The following RAC1 variants were observed in gnomAD, a reference collection of about 807,000 sequenced individuals.
The protein encoded by RAC1 is ras-related C3 botulinum toxin substrate 1.
In RAC1, 2 loss-of-function variants were observed where a neutral mutation model predicts 25.2. The observed-to-expected ratio is 0.08, with a 90% CI of 0.03 to 0.25. The LOEUF (loss-of-function observed/expected upper bound fraction) is 0.25. Ranked by LOEUF, RAC1 falls within the 10% of genes least tolerant of loss-of-function variation. The pLI is 1.00. For missense variants in RAC1, 50 were observed against 235.7 expected (o/e 0.21, Z 5.16); for synonymous variants, 88 against 94.0 (o/e 0.94, Z 0.37).
intron 4 of RAC1, 60 bp from the exon 5 acceptor site, chr7:6,401,808 T>G (rs1469403535): frequency 1.3e-6 from 2 of 1,543,050 alleles, no homozygotes; most frequent in East Asian, 4.6e-5. Flanking sequence ...TGGGTGTGAT[T>G]TAGGTGAAGG....
chr7:6,381,031 G>A (rs958925485), intron 1 of RAC1, among the ~76,000 whole-genome samples: 1 of 151,996 alleles, frequency 6.6e-6, no homozygotes, highest in Non-Finnish European at 1.5e-5. Context: ...ACCATGCCTG[G>A]CTAATTTTTG....
In RAC1 at chr7:6,389,717, A is replaced by G. The variant is rs555249980; in HGVS notation, c.108-2207A>G. 9.9e-5 allele frequency among the ~76,000 whole-genome samples: 15 copies of G among 152,038 alleles called. No individual in the cohort carries two copies. The South Asian group carries it at 1.5e-3, about 15-fold the overall frequency. The stretch of plus-strand genomic sequence containing the variant: ...AAAAAATATGTGTTTTTGTAGAGCT[A>G]TGTTTTGCTATATTGCCCAGGCTGG... On this transcript the variant is annotated intron_variant, in intron 2 of 5. Coordinates refer to ENST00000348035, the MANE Select transcript of RAC1 (RefSeq NM_006908.5).
chr7:6,383,342 T>C (rs1448553281), intron 1 of RAC1, among the ~76,000 whole-genome samples: 1 of 152,244 alleles, frequency 6.6e-6, no homozygotes, highest in Admixed American at 6.5e-5. Flanking sequence ...TTTTACCTAT[T>C]TGAATAAATT....
Position 6,374,765 on chromosome 7 carries a change from A to C in RAC1, c.30A>C (p.Gly10=). ...AGGCCATCAAGTGTGTGGTGGTGGG[A>C]GACGGGTGAGTGCGCGGCCGGGGCC... is the stretch of plus-strand genomic sequence containing the variant. MQAIKCVVV[G]DGAVGKTCLL... Residue 10 remains glycine, a synonymous_variant, in exon 1 of 6, where the codon GGA becomes GGC. Transcript: ENST00000348035. The C allele has an allele frequency of 8.7e-7, 1 of 1,145,498 alleles. No homozygotes were observed. The highest frequency in any genetic ancestry group is 1.1e-6 in the Non-Finnish European group (1 of 926,040). 71.0% of individuals were successfully genotyped at this position (1,145,498 alleles called of 1,614,324 possible).
chr7:6,400,370 C>T (rs1380749268), intron 4 of RAC1, among the ~76,000 whole-genome samples, 182 bp downstream of exon 4: 1 of 151,116 alleles, frequency 6.6e-6, no homozygotes, highest in Admixed American at 6.6e-5. Flanking sequence ...TCTGTTGTGT[C>T]CAGGCTGGAG....
chr7:6,383,784 C>CTTTTTTTTTTTT lies in RAC1; in HGVS notation c.36-3404_36-3393dup, dbSNP rs34847745. On this transcript the variant is annotated intron_variant, in intron 1 of 5. Transcript: ENST00000348035. ...GTTAAGGTTTTTACACAACCTTTAT[C>CTTTTTTTTTTTT]TTTTTTTTTTTTTTTTTTTTTTTTT... Among the ~76,000 whole-genome samples the CTTTTTTTTTTTT allele has an allele frequency of 1.7e-3, 68 of 39,798 alleles. 7 individuals carry two copies. The highest frequency in any genetic ancestry group is 4.4e-3 in the African/African-American group (52 of 11,786). 26.1% of individuals were successfully genotyped at this position (39,798 alleles called of 152,430 possible).
chr7:6,386,601 G>T (rs750731778), intron 1 of RAC1, among the ~76,000 whole-genome samples: 6 of 151,812 alleles, frequency 4.0e-5, no homozygotes, highest in Non-Finnish European at 7.4e-5. Context: ...GGCCAACATG[G>T]CGAAAACCCA....
In RAC1 at chr7:6,375,606, T is replaced by A. The variant is rs959655192; in HGVS notation, c.35+836T>A. On this transcript the variant is annotated intron_variant, in intron 1 of 5. Coordinates refer to ENST00000348035, the MANE Select transcript of RAC1 (RefSeq NM_006908.5). ...GTTTTCGCCCTTTCCGTGGAGAAAG[T>A]TTTGAAGATGCTGGCTGGGAGGAGC... Among the ~76,000 whole-genome samples, 109 of 152,224 alleles carry A rather than the reference T, an allele frequency of 7.2e-4. 1 individual carries two copies. Among genetic ancestry groups the A allele is most frequent in the African/African-American group, 2.3e-3 (97 of 41,558 alleles).
At chr7:6,397,874 A>G (rs1783289302) in intron 3 of RAC1, among the ~76,000 whole-genome samples, 1 of 152,212 alleles carries the variant, frequency 6.6e-6, no homozygotes, top group East Asian at 1.9e-4. Context: ...CTGTAGTCCC[A>G]GCTACTTGGG....
intron 1 of RAC1, among the ~76,000 whole-genome samples, chr7:6,378,451 C>T (rs550639592): frequency 3.3e-5 from 5 of 151,904 alleles, no homozygotes; most frequent in Admixed American, 6.6e-5. Context: ...GATGCTGAGG[C>T]AGGAGAATCA....
intron 3 of RAC1, among the ~76,000 whole-genome samples, chr7:6,398,411 T>C (rs1416816202): frequency 6.6e-6 from 1 of 152,202 alleles, no homozygotes; most frequent in Non-Finnish European, 1.5e-5. Flanking sequence ...AGGAGCACGT[T>C]GTTGCCCCCC....
rs572440576 is a variant in RAC1 at position 6,389,882 on chromosome 7, T to C, written c.108-2042T>C. Among the ~76,000 whole-genome samples, 16 of 152,204 alleles carry C rather than the reference T, an allele frequency of 1.1e-4. No homozygotes were observed. In the South Asian group the frequency reaches 3.1e-3, roughly 30 times the overall value. On this transcript the variant is annotated intron_variant, in intron 2 of 5. Transcript: ENST00000348035. ...CTTGTGAATTGTCTGTTTAAATCTTTTGTATTTTTCTACTGAAATTTTTTC... is the reference window on the plus strand; with the variant it reads ...CTTGTGAATTGTCTGTTTAAATCTTCTGTATTTTTCTACTGAAATTTTTTC...
chr7:6,398,454 C>T (rs1020095760), intron 3 of RAC1, among the ~76,000 whole-genome samples: 1 of 152,220 alleles, frequency 6.6e-6, no homozygotes, highest in Non-Finnish European at 1.5e-5. Context: ...TCTTCACCAT[C>T]GTTGAACTTA....
intron 1 of RAC1, among the ~76,000 whole-genome samples, chr7:6,377,206 T>G (rs528054109): frequency 6.2e-4 from 93 of 149,588 alleles, no homozygotes; most frequent in South Asian, 1.1e-3. Context: ...GTCTGTTTTT[T>G]TTTTTTAATT....
chr7:6,395,440 G>C (rs929699974), intron 3 of RAC1, among the ~76,000 whole-genome samples: 2 of 152,232 alleles, frequency 1.3e-5, no homozygotes, highest in African/African-American at 2.4e-5. Context: ...CGCAGAACTA[G>C]AGTTGTTACT....
At chr7:6,389,837 TTACTG>T (rs1429422553) in intron 2 of RAC1, among the ~76,000 whole-genome samples, 1 of 152,200 alleles carries the variant, frequency 6.6e-6, no homozygotes, top group Admixed American at 6.5e-5. Flanking sequence ...TTTTGAATGT[TTACTG>T]TACATTTTTA....
intron 3 of RAC1, among the ~76,000 whole-genome samples, chr7:6,399,129 T>C (rs1783329896): frequency 6.6e-6 from 1 of 152,164 alleles, no homozygotes; most frequent in Non-Finnish European, 1.5e-5. Context: ...TGTGCAGTGC[T>C]GCTGAGCTAA....
At chr7:6,376,403 C>G (rs907419643) in intron 1 of RAC1, among the ~76,000 whole-genome samples, 8 of 151,336 alleles carry the variant, frequency 5.3e-5, no homozygotes, top group Admixed American at 1.3e-4. Flanking sequence ...TGGCTGGTCT[C>G]GAATTCCTGA....
Position 6,401,856 on chromosome 7 carries a change from C to G in RAC1, c.289-12C>G. 6.2e-7 allele frequency: 1 copy of G among 1,609,138 alleles called. No individual in the cohort carries two copies. Among genetic ancestry groups the G allele is most frequent in the Non-Finnish European group, 8.5e-7 (1 of 1,177,336 alleles). On this transcript the variant is annotated splice_polypyrimidine_tract_variant and intron_variant, in intron 4 of 5. Transcript: ENST00000348035. ...GAGCGTGTCACAACCTCTGTTCCTT[C>G]TTCACATCTAGTGGTATCCTGAGGT...
Sources: allele counts gnomAD v4.1 joint callset (sites outside exome capture counted in the v4.1 genomes callset), GRCh38; gene constraint gnomAD v4.1.1; transcripts MANE v1.5; gene names NCBI Gene and HGNC (gene_info 2026-07-23, HGNC 2026-07-21).